ELMO1: variants seen among roughly 807,000 people sequenced by gnomAD.
ELMO1 encodes engulfment and cell motility protein 1.
A neutral mutation model predicts 98.9 loss-of-function variants in ELMO1; 26 were observed. The ratio of observed to expected loss-of-function variants is 0.26; its 90% CI spans 0.19 to 0.36. The LOEUF (loss-of-function observed/expected upper bound fraction) is 0.36. Ranked by LOEUF, ELMO1 falls within the 10% of genes least tolerant of loss-of-function variation. ELMO1 has a pLI of 1.00. For synonymous variants in ELMO1, 346 were observed against 346.0 expected, an observed-to-expected ratio of 1.00 and a Z score of 0.00; for missense variants, 627 against 935.2, an observed-to-expected ratio of 0.67 and a Z score of 4.30.
chr7:37,312,251 A>G (rs1480159026), intron 4 of ELMO1, among the ~76,000 whole-genome samples: 2 of 152,044 alleles, frequency 1.3e-5, no homozygotes, highest in Admixed American at 6.6e-5. Flanking sequence ...ACCACACCCA[A>G]CTAATTTTTG....
chr7:36,928,514 G>A (rs892143743), intron 16 of ELMO1, among the ~76,000 whole-genome samples: 3 of 151,964 alleles, frequency 2.0e-5, no homozygotes, highest in East Asian at 1.9e-4. Context: ...TTACACCATC[G>A]TTTTTTTTCC....
At chr7:37,172,439 G>A (rs1287136936) in intron 13 of ELMO1, among the ~76,000 whole-genome samples, 4 of 152,128 alleles carry the variant, frequency 2.6e-5, no homozygotes, top group African/African-American at 9.7e-5. Flanking sequence ...GAAAGTCTAA[G>A]TGAGACATTT....
At chr7:37,012,687 C>T (rs1003439638) in intron 16 of ELMO1, among the ~76,000 whole-genome samples, 1 of 152,182 alleles carries the variant, frequency 6.6e-6, no homozygotes, top group Non-Finnish European at 1.5e-5. Context: ...TCTTGTGAGA[C>T]ATTATGATAT....
At chr7:37,133,359 G>T in intron 13 of ELMO1, 125 bp from the exon 14 acceptor site, 1 of 652,420 alleles carries the variant, frequency 1.5e-6, no homozygotes, top group East Asian at 2.9e-5. Context: ...CAAACATGAT[G>T]ACATTTTCTA....
intron 9 of ELMO1, among the ~76,000 whole-genome samples, chr7:37,223,896 C>A (rs1048649004): frequency 1.3e-5 from 2 of 152,108 alleles, no homozygotes; most frequent in Admixed American, 1.3e-4. Context: ...TTCAGAGAAC[C>A]ATTCCCACCC....
intron 16 of ELMO1, among the ~76,000 whole-genome samples, chr7:37,013,025 G>A (rs939273567): frequency 6.6e-6 from 1 of 152,092 alleles, no homozygotes; most frequent in Non-Finnish European, 1.5e-5. Context: ...CCTTGATAAC[G>A]TGTCCCAAGA....
intron 5 of ELMO1, chr7:37,270,929 A>G (rs1280246742): frequency 1.4e-5 from 2 of 146,486 alleles, no homozygotes; most frequent in African/African-American, 5.1e-5. Context: ...ACACACACTG[A>G]CTTTTTCTTT....
chr7:37,253,086 G>T (rs1795446001), intron 6 of ELMO1, among the ~76,000 whole-genome samples: 1 of 152,334 alleles, frequency 6.6e-6, no homozygotes, highest in African/African-American at 2.4e-5. Flanking sequence ...AACAGATGCT[G>T]AAGAGGATGT....
chr7:37,117,540 C>T (rs1785686937), intron 14 of ELMO1, among the ~76,000 whole-genome samples: 1 of 152,194 alleles, frequency 6.6e-6, no homozygotes, highest in Admixed American at 6.5e-5. Context: ...AAATCACTGG[C>T]TTTGGAAGTC....
At chr7:36,976,395 TC>T (rs1402571469) in intron 16 of ELMO1, among the ~76,000 whole-genome samples, 1 of 152,234 alleles carries the variant, frequency 6.6e-6, no homozygotes, top group African/African-American at 2.4e-5. Flanking sequence ...AAAAAATACT[TC>T]CTGTGAACAG....
chr7:36,979,196 G>A (rs554217524), intron 16 of ELMO1, among the ~76,000 whole-genome samples: 1 of 152,266 alleles, frequency 6.6e-6, no homozygotes, highest in Non-Finnish European at 1.5e-5. Flanking sequence ...TGGCAAAAGA[G>A]CAGAACTAGA....
intron 11 of ELMO1, among the ~76,000 whole-genome samples, chr7:37,215,769 T>C (rs1793243292): frequency 1.3e-5 from 2 of 152,202 alleles, no homozygotes; most frequent in South Asian, 4.1e-4. Context: ...GAGCTTCCCC[T>C]GCCCCGACAA....
Position 37,271,815 on chromosome 7 carries a change from A to G in ELMO1, c.243+17T>C. On this transcript the variant is annotated intron_variant, in intron 5 of 21. Transcript: ENST00000310758. Reference sequence around the variant, plus strand: ...AGCAAAGAGTTTGCTGGAAGTCAGAAGCTAAGATCAACTTACTGGAGATGT... The same window carrying G: ...AGCAAAGAGTTTGCTGGAAGTCAGAGGCTAAGATCAACTTACTGGAGATGT... 1 of 1,613,012 alleles carries G rather than the reference A, an allele frequency of 6.2e-7. No homozygotes were observed. The highest frequency in any genetic ancestry group is 8.5e-7 in the Non-Finnish European group (1 of 1,179,466).
chr7:37,362,902 G>A (rs948572479), intron 1 of ELMO1, among the ~76,000 whole-genome samples: 6 of 152,204 alleles, frequency 3.9e-5, no homozygotes, highest in African/African-American at 9.7e-5. Context: ...GGAAGTGACA[G>A]AGGCACTGGA....
chr7:37,001,647 C>T (rs1488428213), intron 16 of ELMO1, among the ~76,000 whole-genome samples: 1 of 152,080 alleles, frequency 6.6e-6, no homozygotes, highest in Non-Finnish European at 1.5e-5. Context: ...TAAGGTGGCA[C>T]TTGTGCAAAA....
chr7:37,246,789 TAAAC>T (rs777154631), intron 6 of ELMO1, among the ~76,000 whole-genome samples: 54 of 151,776 alleles, frequency 3.6e-4, no homozygotes, highest in East Asian at 1.2e-3. Flanking sequence ...GATAGATAGA[TAAAC>T]AGACAGATAG....
At chr7:37,090,970 G>C (rs1440846730) in intron 15 of ELMO1, among the ~76,000 whole-genome samples, 1 of 152,122 alleles carries the variant, frequency 6.6e-6, no homozygotes, top group Non-Finnish European at 1.5e-5. Flanking sequence ...GAATGAGTGA[G>C]GAAAATAAAA....
chr7:37,100,728 G>T lies in ELMO1; in HGVS notation c.1192-4001C>A, dbSNP rs183258235. ...TCCATTTCACTTTGACTTAACCTAG[G>T]GTCAGGTGAGGCATAGTGGCCTCCC... On this transcript the variant is annotated intron_variant, in intron 14 of 21. Coordinates refer to ENST00000310758, the MANE Select transcript of ELMO1 (RefSeq NM_014800.11). Among the ~76,000 whole-genome samples the T allele has an allele frequency of 4.9e-4, 75 of 152,294 alleles. No individual in the cohort carries two copies. The East Asian group carries it at 5.0e-3, about 10-fold the overall frequency.
At chr7:37,093,304 C>T (rs6946139) in intron 15 of ELMO1, among the ~76,000 whole-genome samples, 2 of 151,926 alleles carry the variant, frequency 1.3e-5, no homozygotes, top group East Asian at 3.9e-4. Flanking sequence ...GTTTCCTCAA[C>T]AGACCAAAAA....
Sources: allele counts gnomAD v4.1 joint callset (sites outside exome capture counted in the v4.1 genomes callset), GRCh38; gene constraint gnomAD v4.1.1; transcripts MANE v1.5; gene names NCBI Gene and HGNC (gene_info 2026-07-23, HGNC 2026-07-21).